The following EYS variants were observed in gnomAD, a reference collection of about 807,000 sequenced individuals.
The protein encoded by EYS is EGF-like photoreceptor maintenance factor, also known as protein eyes shut homolog.
EYS carries 250 observed loss-of-function variants against 282.1 expected under a neutral mutation model. The observed-to-expected ratio is 0.89, with a 90% CI of 0.80 to 0.98. The LOEUF is 0.98. Among genes scored for constraint, EYS ranks in the 50% least tolerant of loss-of-function variants. EYS has a pLI of 0.00. For synonymous variants in EYS, 1,355 were observed against 1,282.9 expected (o/e 1.06, Z -1.20); for missense variants, 4,016 against 3,709.0 (o/e 1.08, Z -2.15).
chr6:63,778,626 C>G (rs1770128577), intron 39 of EYS, among the ~76,000 whole-genome samples: 2 of 151,994 alleles, frequency 1.3e-5, no homozygotes, highest in Admixed American at 6.6e-5. Flanking sequence ...CTTATTTATA[C>G]TTTTTGCTAT....
At chr6:64,976,730 C>T (rs1001467901) in intron 14 of EYS, among the ~76,000 whole-genome samples, 59 of 151,890 alleles carry the variant, frequency 3.9e-4, no homozygotes, top group African/African-American at 1.4e-3. Flanking sequence ...GTTTATTATA[C>T]ATCATGAAAT....
At chr6:64,588,219 C>G (rs1766295048) in intron 26 of EYS, among the ~76,000 whole-genome samples, 1 of 151,976 alleles carries the variant, frequency 6.6e-6, no homozygotes, top group East Asian at 1.9e-4. Context: ...AATTAAGAGC[C>G]TAGGTGAGGA....
Position 64,740,431 on chromosome 6 carries a change from G to C in EYS, c.3443+72947C>G, listed in dbSNP as rs144313142. Among the ~76,000 whole-genome samples, 335 of 152,226 alleles carry C rather than the reference G, an allele frequency of 2.2e-3. 1 individual carries two copies. Among genetic ancestry groups the C allele is most frequent in the African/African-American group, 7.7e-3 (319 of 41,534 alleles). ...ATATTCTATTCACCTTGGAGAACAGGTGATCTATAGAAGCAGAGCAAAATA... is the reference window on the plus strand; with the variant it reads ...ATATTCTATTCACCTTGGAGAACAGCTGATCTATAGAAGCAGAGCAAAATA... On this transcript the variant is annotated intron_variant, in intron 22 of 42. Coordinates refer to ENST00000503581, the MANE Select transcript of EYS (RefSeq NM_001142800.2).
At chr6:64,741,209 A>C (rs1437529436) in intron 22 of EYS, among the ~76,000 whole-genome samples, 1 of 152,172 alleles carries the variant, frequency 6.6e-6, no homozygotes, top group Non-Finnish European at 1.5e-5. Flanking sequence ...GTTAGCAGGC[A>C]TGAGAACATT....
chr6:63,836,820 T>G (rs747040549), intron 36 of EYS, among the ~76,000 whole-genome samples: 10 of 152,054 alleles, frequency 6.6e-5, no homozygotes, highest in Non-Finnish European at 1.5e-4. Context: ...TTAATGCAAT[T>G]TATTCAGTAA....
intron 12 of EYS, among the ~76,000 whole-genome samples, chr6:65,269,061 G>T (rs1767831394): frequency 6.6e-6 from 1 of 152,196 alleles, no homozygotes; most frequent in East Asian, 1.9e-4. Context: ...ATTCAGCCTT[G>T]TCATCACCCT....
intron 31 of EYS, among the ~76,000 whole-genome samples, chr6:64,151,068 T>A (rs1449688022): frequency 6.6e-6 from 1 of 151,664 alleles, no homozygotes. Flanking sequence ...TATATTTTTG[T>A]TTAAGTATAC....
At chr6:64,171,307 G>C (rs1764472951) in intron 31 of EYS, among the ~76,000 whole-genome samples, 1 of 152,078 alleles carries the variant, frequency 6.6e-6, no homozygotes, top group Admixed American at 6.6e-5. Flanking sequence ...ATCTTATAGG[G>C]ATCTGTGGGC....
intron 24 of EYS, among the ~76,000 whole-genome samples, chr6:64,603,895 G>A (rs949655036): frequency 7.3e-5 from 11 of 149,672 alleles, no homozygotes; most frequent in South Asian, 4.3e-4. Context: ...GTGTGTGTGT[G>A]TGTGTGTGTT....
intron 28 of EYS, among the ~76,000 whole-genome samples, chr6:64,427,608 T>C (rs1395422944): frequency 1.3e-5 from 2 of 152,228 alleles, no homozygotes; most frequent in East Asian, 1.9e-4. Flanking sequence ...TTTGAGAAGA[T>C]TTGATGTAAA....
At chr6:64,275,629 G>A (rs957707748) in intron 30 of EYS, among the ~76,000 whole-genome samples, 1 of 151,276 alleles carries the variant, frequency 6.6e-6, no homozygotes, top group Non-Finnish European at 1.5e-5. Context: ...TGTTAGCCAG[G>A]ATGGTCTCTA....
intron 37 of EYS, among the ~76,000 whole-genome samples, chr6:63,799,319 ATTT>A (rs570607891): frequency 6.6e-6 from 1 of 151,586 alleles, no homozygotes; most frequent in Non-Finnish European, 1.5e-5. Context: ...CGGCTCCTAA[ATTT>A]TTTTTATTAC....
chr6:65,565,644 C>T (rs557988659), intron 2 of EYS, among the ~76,000 whole-genome samples: 1 of 152,230 alleles, frequency 6.6e-6, no homozygotes, highest in South Asian at 2.1e-4. Context: ...AAGACACATA[C>T]ACATGTATGT....
In EYS at chr6:65,506,844, C is replaced by T. The variant is rs542717318; in HGVS notation, c.-332-10851G>A. On this transcript the variant is annotated intron_variant, in intron 2 of 42. Coordinates refer to ENST00000503581, the MANE Select transcript of EYS (RefSeq NM_001142800.2). ...TTCTGCTTCATGTGTAGCACCTGTA[C>T]CTTGTAACAGAATATTCCTAATTTA... Among the ~76,000 whole-genome samples, 32 of 152,106 alleles carry T rather than the reference C, an allele frequency of 2.1e-4. 1 individual carries two copies. Among genetic ancestry groups the T allele is most frequent in the Non-Finnish European group, 8.8e-5 (6 of 68,012 alleles).
chr6:65,013,090 T>A (rs148646051), intron 13 of EYS, among the ~76,000 whole-genome samples: 15 of 152,216 alleles, frequency 9.9e-5, no homozygotes, highest in African/African-American at 3.4e-4. Context: ...AAAAATGAAT[T>A]GTCTTTAATG....
At chr6:64,642,864 C>A (rs140448044) in intron 22 of EYS, among the ~76,000 whole-genome samples, 1,564 of 152,258 alleles carry the variant, frequency 0.01, 34 homozygotes, top group African/African-American at 0.036. Flanking sequence ...GCCTGTAATC[C>A]CAGCACTTTG....
At chr6:64,219,948 G>A (rs552749488) in intron 31 of EYS, among the ~76,000 whole-genome samples, 29 of 151,974 alleles carry the variant, frequency 1.9e-4, no homozygotes, top group Admixed American at 1.4e-3. Flanking sequence ...AACAAATAGC[G>A]CATGTTCTCA....
At chr6:65,246,047 A>G (rs969968773) in intron 12 of EYS, among the ~76,000 whole-genome samples, 1 of 152,104 alleles carries the variant, frequency 6.6e-6, no homozygotes, top group African/African-American at 2.4e-5. Flanking sequence ...AGGAAGGGCA[A>G]TCAAATGCAA....
intron 1 of EYS, among the ~76,000 whole-genome samples, chr6:65,702,384 G>A (rs1769708489): frequency 6.6e-6 from 1 of 152,188 alleles, no homozygotes; most frequent in Non-Finnish European, 1.5e-5. Context: ...CAAGAAAACA[G>A]ATTAGCTTAT....
Sources: allele counts gnomAD v4.1 joint callset (sites outside exome capture counted in the v4.1 genomes callset), GRCh38; gene constraint gnomAD v4.1.1; transcripts MANE v1.5; gene names NCBI Gene and HGNC (gene_info 2026-07-23, HGNC 2026-07-21).